Variants in NTNG1 observed in about 807,000 individuals in gnomAD.
NTNG1 encodes the protein netrin G1, also known as netrin-G1.
In NTNG1, 16 loss-of-function variants were observed where a neutral mutation model predicts 54.0. The ratio of observed to expected loss-of-function variants is 0.30; its 90% CI spans 0.20 to 0.45. NTNG1 has a LOEUF of 0.45. Ranked by LOEUF, NTNG1 falls within the 20% of genes least tolerant of loss-of-function variation. NTNG1 has a pLI of 1.00. For synonymous variants in NTNG1, 255 were observed against 263.1 expected (o/e 0.97, Z 0.30); for missense variants, 530 against 678.7 (o/e 0.78, Z 2.43).
chr1:107,448,604 A>G (rs772270534), intron 7 of NTNG1, among the ~76,000 whole-genome samples: 1 of 152,110 alleles, frequency 6.6e-6, no homozygotes, highest in African/African-American at 2.4e-5. Context: ...ATAACAAATG[A>G]AGGTTTTAAC....
chr1:107,299,812 A>G (rs564928371), intron 2 of NTNG1, among the ~76,000 whole-genome samples: 21 of 152,136 alleles, frequency 1.4e-4, no homozygotes, highest in Non-Finnish European at 2.5e-4. Context: ...AGTGTGCGGT[A>G]TAGTGGATAG....
intron 3 of NTNG1, among the ~76,000 whole-genome samples, chr1:107,360,504 T>C (rs748864391): frequency 2.0e-5 from 3 of 152,138 alleles, no homozygotes; most frequent in Non-Finnish European, 4.4e-5. Context: ...AAATGCCAAA[T>C]TGTTTAGGTC....
At chr1:107,341,978 G>A (rs1049676847) in intron 3 of NTNG1, among the ~76,000 whole-genome samples, 9 of 151,950 alleles carry the variant, frequency 5.9e-5, no homozygotes, top group African/African-American at 2.2e-4. Flanking sequence ...AAAAATATGT[G>A]AGTGCATTAG....
chr1:107,436,236 A>G lies in NTNG1; in HGVS notation c.1256-429A>G, dbSNP rs138396300. Among the ~76,000 whole-genome samples, 704 of 152,352 alleles carry G rather than the reference A, an allele frequency of 4.6e-3. 2 individuals carry two copies. The highest frequency in any genetic ancestry group is 0.011 in the Admixed American group (168 of 15,302). ...AATGAGCAAAGTGCATTCATATTGTACTTTTAAAATGTTCAGCAGTTCTCA... is the reference window on the plus strand; with the variant it reads ...AATGAGCAAAGTGCATTCATATTGTGCTTTTAAAATGTTCAGCAGTTCTCA... On this transcript the variant is annotated intron_variant, in intron 6 of 7. Transcript: ENST00000370068.
At chr1:107,472,459 T>C (rs1558025283) in intron 7 of NTNG1, among the ~76,000 whole-genome samples, 1 of 152,214 alleles carries the variant, frequency 6.6e-6, no homozygotes, top group African/African-American at 2.4e-5. Flanking sequence ...AAGCCCCTCA[T>C]GTGCAGCTCC....
intron 7 of NTNG1, among the ~76,000 whole-genome samples, chr1:107,437,166 C>T (rs1258235815): frequency 6.6e-6 from 1 of 152,130 alleles, no homozygotes; most frequent in African/African-American, 2.4e-5. Context: ...GAAAGTTACC[C>T]TAGAGCTCCA....
At chr1:107,266,335 G>A (rs912040028) in intron 2 of NTNG1, among the ~76,000 whole-genome samples, 10 of 149,586 alleles carry the variant, frequency 6.7e-5, no homozygotes, top group African/African-American at 2.4e-4. Flanking sequence ...TGGTTCTGCG[G>A]GCTGTACAGG....
At chr1:107,419,239 CCTCTCT>C (rs147796224) in intron 5 of NTNG1, among the ~76,000 whole-genome samples, 1 of 148,188 alleles carries the variant, frequency 6.7e-6, no homozygotes, top group Non-Finnish European at 1.5e-5. Context: ...CCTCCTCCCT[CCTCTCT>C]CTCTCTCTCT....
At chr1:107,283,546 G>A (rs1275644497) in intron 2 of NTNG1, among the ~76,000 whole-genome samples, 1 of 152,134 alleles carries the variant, frequency 6.6e-6, no homozygotes, top group Non-Finnish European at 1.5e-5. Flanking sequence ...TTATTCTTTT[G>A]TATTTAATGA....
chr1:107,294,892 T>C (rs766370757), intron 2 of NTNG1, among the ~76,000 whole-genome samples: 12 of 152,190 alleles, frequency 7.9e-5, no homozygotes, highest in Non-Finnish European at 1.8e-4. Context: ...TTGCAACATA[T>C]AAAATGAGCT....
intron 2 of NTNG1, among the ~76,000 whole-genome samples, chr1:107,221,950 C>T (rs1660375101): frequency 6.6e-6 from 1 of 152,154 alleles, no homozygotes; most frequent in African/African-American, 2.4e-5. Context: ...CCCTCCTTTT[C>T]CCCTACCTCC....
At chr1:107,480,473 G>T (rs752743736) in intron 7 of NTNG1, 138 bp from the exon 8 acceptor site, 3 of 606,638 alleles carry the variant, frequency 4.9e-6, no homozygotes, top group Non-Finnish European at 5.8e-6. Context: ...GGCTTCGTTT[G>T]TGGAGGGGAG....
intron 5 of NTNG1, chr1:107,421,084 T>C: frequency 6.2e-7 from 1 of 1,606,664 alleles, no homozygotes; most frequent in Non-Finnish European, 8.5e-7. Flanking sequence ...ACCTATCCAG[T>C]TGCTCCCAAA....
intron 4 of NTNG1, among the ~76,000 whole-genome samples, chr1:107,399,975 C>T (rs573103399): frequency 7.2e-5 from 11 of 152,230 alleles, no homozygotes; most frequent in East Asian, 3.9e-4. Flanking sequence ...TTCCCCACCC[C>T]GGCTGTTCTC....
intron 7 of NTNG1, among the ~76,000 whole-genome samples, chr1:107,447,663 A>T (rs917180639): frequency 6.6e-6 from 1 of 152,116 alleles, no homozygotes; most frequent in Non-Finnish European, 1.5e-5. Context: ...TGATAGAAAC[A>T]TCTAATAAAA....
At chr1:107,365,251 A>T (rs1670524298) in intron 3 of NTNG1, among the ~76,000 whole-genome samples, 1 of 152,070 alleles carries the variant, frequency 6.6e-6, no homozygotes, top group Non-Finnish European at 1.5e-5. Flanking sequence ...GTCAAAATCA[A>T]CTCTGAGATA....
intron 7 of NTNG1, among the ~76,000 whole-genome samples, chr1:107,460,580 T>C (rs1254903889): frequency 6.6e-6 from 1 of 152,248 alleles, no homozygotes; most frequent in African/African-American, 2.4e-5. Context: ...AAAAGGCAGC[T>C]CTATGTGAAA....
chr1:107,248,714 CTG>C (rs564341013), intron 2 of NTNG1, among the ~76,000 whole-genome samples: 62 of 152,302 alleles, frequency 4.1e-4, no homozygotes, highest in Middle Eastern at 3.4e-3. Context: ...AAATGCAAGA[CTG>C]TTCTTTATTC....
intron 2 of NTNG1, among the ~76,000 whole-genome samples, chr1:107,214,013 A>G (rs1249777553): frequency 6.6e-6 from 1 of 152,118 alleles, no homozygotes; most frequent in East Asian, 1.9e-4. Context: ...CCTAATTTTT[A>G]GTTTTTCTTT....
Sources: allele counts gnomAD v4.1 joint callset (sites outside exome capture counted in the v4.1 genomes callset), GRCh38; gene constraint gnomAD v4.1.1; transcripts MANE v1.5; gene names NCBI Gene and HGNC (gene_info 2026-07-23, HGNC 2026-07-21).